Variants in PGM5 observed in about 807,000 individuals in gnomAD.
PGM5 encodes phosphoglucomutase-like protein 5.
Under a neutral mutation model 59.2 loss-of-function variants are expected in PGM5, and 23 were observed. The observed-to-expected ratio is 0.39, with a 90% CI of 0.28 to 0.55. The LOEUF (loss-of-function observed/expected upper bound fraction) is 0.55, where lower values mean the gene tolerates loss of function less well. PGM5 is among the 20% of genes least tolerant of loss of function. The pLI is 0.66. For missense variants in PGM5, 574 were observed against 748.3 expected, an observed-to-expected ratio of 0.77 and a Z score of 2.72; for synonymous variants, 214 against 286.0, an observed-to-expected ratio of 0.75 and a Z score of 2.54.
intron 9 of PGM5, among the ~76,000 whole-genome samples, chr9:68,496,047 T>C (rs143800996): frequency 1.6e-3 from 246 of 152,318 alleles, no homozygotes; most frequent in African/African-American, 5.7e-3. Context: ...CAGTACAACT[T>C]GTTTCATAAA....
chr9:68,509,123 T>C (rs536392908), intron 10 of PGM5, among the ~76,000 whole-genome samples: 14 of 152,216 alleles, frequency 9.2e-5, no homozygotes, highest in African/African-American at 3.4e-4. Flanking sequence ...CTGTTTTTGC[T>C]CTCCCGTCTA....
chr9:68,517,261 G>A (rs1018438071), intron 10 of PGM5, among the ~76,000 whole-genome samples: 9 of 152,128 alleles, frequency 5.9e-5, no homozygotes, highest in Admixed American at 3.9e-4. Context: ...AATAGGGGAC[G>A]GGGAGGACTG....
chr9:68,438,021 C>G (rs2132060770), intron 6 of PGM5, among the ~76,000 whole-genome samples: 1 of 152,250 alleles, frequency 6.6e-6, no homozygotes, highest in African/African-American at 2.4e-5. Context: ...GGCGAGGTGG[C>G]TCATGCCTGT....
chr9:68,494,500 T>A (rs1268815292), intron 9 of PGM5, among the ~76,000 whole-genome samples: 2 of 152,196 alleles, frequency 1.3e-5, no homozygotes, highest in Admixed American at 1.3e-4. Flanking sequence ...TTACTGCACA[T>A]TAGAATCACC....
intron 6 of PGM5, among the ~76,000 whole-genome samples, chr9:68,404,293 A>AT (rs1554680927): frequency 6.6e-6 from 1 of 151,942 alleles, no homozygotes; most frequent in African/African-American, 2.4e-5. Flanking sequence ...TGCCTGGCTA[A>AT]TTTTTTTGTA....
rs1834456756 is a variant in PGM5, at chr9:68,356,970, C to T, written c.-158C>T. The T allele has an allele frequency of 7.6e-6, 5 of 659,086 alleles. No individual in the cohort carries two copies. In the South Asian group the frequency reaches 1.6e-4, roughly 21 times the overall value. The allele number at this position is 659,086 out of a possible 1,614,324, so 40.8% of individuals were successfully genotyped here. Reference sequence around the variant, plus strand: ...GCGGAGAGGAGGGGCGGGCGGTCCCCAGGCGGGCGGGTGCAGGGCGCAGGG... The same window carrying T: ...GCGGAGAGGAGGGGCGGGCGGTCCCTAGGCGGGCGGGTGCAGGGCGCAGGG... On this transcript the variant is annotated 5_prime_UTR_variant, in exon 1 of 11. Transcript: ENST00000396396.
intron 1 of PGM5, among the ~76,000 whole-genome samples, chr9:68,368,143 A>G (rs1834714889): frequency 6.6e-6 from 1 of 151,328 alleles, no homozygotes; most frequent in Non-Finnish European, 1.5e-5. Flanking sequence ...TCTTTTCTGG[A>G]TATATTTAAC....
chr9:68,395,372 T>C (rs1822473373), intron 6 of PGM5, among the ~76,000 whole-genome samples: 1 of 152,106 alleles, frequency 6.6e-6, no homozygotes, highest in Admixed American at 6.6e-5. Context: ...TGAAATTAGG[T>C]GAGCTTCCCA....
At chr9:68,402,466 C>G (rs1182972407) in intron 6 of PGM5, 1 of 152,200 alleles carries the variant, frequency 6.6e-6, no homozygotes, top group Non-Finnish European at 1.5e-5. Flanking sequence ...ACTAGACCAC[C>G]AATAAACATT....
chr9:68,516,874 T>TG (rs1317050732), intron 10 of PGM5, among the ~76,000 whole-genome samples: 4 of 152,032 alleles, frequency 2.6e-5, no homozygotes, highest in African/African-American at 9.7e-5. Context: ...TGTTTTGTTT[T>TG]TTGTTTTTTG....
chr9:68,379,609 A>C lies in PGM5; in HGVS notation c.424+1248A>C, dbSNP rs1432305366. Among the ~76,000 whole-genome samples, 7 of 152,260 alleles carry C rather than the reference A, an allele frequency of 4.6e-5. No individual in the cohort carries two copies. The East Asian group carries it at 1.2e-3, about 25-fold the overall frequency. On this transcript the variant is annotated intron_variant, in intron 2 of 10. Coordinates refer to ENST00000396396, the MANE Select transcript of PGM5 (RefSeq NM_021965.4). ...GAGTAAGTCTTTTACTATCAATAAT[A>C]ACCTTGCTGGTACATGGGTTAAACT...
intron 6 of PGM5, among the ~76,000 whole-genome samples, chr9:68,393,599 T>A (rs1296865346): frequency 2.6e-5 from 4 of 152,100 alleles, no homozygotes; most frequent in Non-Finnish European, 5.9e-5. Context: ...TTTTCTTTAA[T>A]CAACCAGGTG....
chr9:68,479,949 T>C (rs973863566), intron 8 of PGM5, among the ~76,000 whole-genome samples: 3 of 147,670 alleles, frequency 2.0e-5, no homozygotes, highest in African/African-American at 7.5e-5. Flanking sequence ...AAAGGAGGCA[T>C]CTTCCCAGAA....
Position 68,384,409 on chromosome 9 carries a change from G to A in PGM5, c.436G>A (p.Asp146Asn), listed in dbSNP as rs1822160870. ...TGTTCACATTTTAGGTCCTGCACCC[G>A]ATGTTGTCTCAGACAAAATCTACCA... ...FNVANGGPAP[D>N]VVSDKIYQIS... Residue 146 changes from aspartate (D) to asparagine (N), a missense_variant, in exon 3 of 11, where the codon GAT becomes AAT. Asp to Asn is a conservative substitution (Grantham distance 23). Coordinates refer to ENST00000396396, the MANE Select transcript of PGM5 (RefSeq NM_021965.4). 2.5e-6 allele frequency: 4 copies of A among 1,605,544 alleles called. No individual in the cohort carries two copies. Among genetic ancestry groups the A allele is most frequent in the Non-Finnish European group, 3.4e-6 (4 of 1,173,936 alleles).
At chr9:68,516,630 G>A (rs1396748456) in intron 10 of PGM5, among the ~76,000 whole-genome samples, 1 of 152,178 alleles carries the variant, frequency 6.6e-6, no homozygotes, top group African/African-American at 2.4e-5. Context: ...GGCCACTGAG[G>A]TCCCTGCCTG....
chr9:68,409,616 A>G (rs1484455633), intron 6 of PGM5, among the ~76,000 whole-genome samples: 3 of 26,768 alleles, frequency 1.1e-4, no homozygotes, highest in South Asian at 1.1e-3. Flanking sequence ...TCAGTAAACT[A>G]TCGCAAGAAC....
chr9:68,455,073 T>C (rs1285491711), intron 6 of PGM5, among the ~76,000 whole-genome samples: 4 of 152,210 alleles, frequency 2.6e-5, no homozygotes, highest in Non-Finnish European at 5.9e-5. Context: ...TCCCTTGATA[T>C]ATGCTCGTCT....
intron 10 of PGM5, among the ~76,000 whole-genome samples, chr9:68,501,596 G>A (rs1055499784): frequency 1.3e-5 from 2 of 152,192 alleles, no homozygotes; most frequent in Non-Finnish European, 2.9e-5. Flanking sequence ...CCTGATCAGG[G>A]CCTGACTGGA....
rs139310556 is a variant in PGM5 at position 68,376,864 on chromosome 9, TTTTC to T, written c.262-1329_262-1326del. Among the ~76,000 whole-genome samples the T allele has an allele frequency of 6.9e-5, 8 of 115,218 alleles. 1 individual carries two copies. Among genetic ancestry groups the T allele is most frequent in the African/African-American group, 1.0e-4 (3 of 28,628 alleles). The allele number at this position is 115,218 out of a possible 152,430, so 75.6% of individuals were successfully genotyped here. On this transcript the variant is annotated intron_variant, in intron 1 of 10. Transcript: ENST00000396396. ...CTTTCTTTCTTTCTCTTTCTTTCTT[TTTTC>T]TTTCTCTTTCTTTCTTTTTTTCTTT...
Sources: allele counts gnomAD v4.1 joint callset (sites outside exome capture counted in the v4.1 genomes callset), GRCh38; gene constraint gnomAD v4.1.1; transcripts MANE v1.5; gene names NCBI Gene and HGNC (gene_info 2026-07-23, HGNC 2026-07-21).